MAPK10: variants seen among roughly 807,000 people sequenced by gnomAD.
MAPK10 encodes the protein mitogen-activated protein kinase 10.
Under a neutral mutation model 59.3 loss-of-function variants are expected in MAPK10, and 25 were observed. That is an observed-to-expected ratio of 0.42 (90% CI 0.31 to 0.59). The LOEUF (loss-of-function observed/expected upper bound fraction) is 0.59, where lower values mean the gene tolerates loss of function less well. Ranked by LOEUF, MAPK10 falls within the 20% of genes least tolerant of loss-of-function variation. The pLI, the probability that MAPK10 is intolerant of heterozygous loss-of-function variation, is 0.15. For missense variants in MAPK10, 351 were observed against 568.9 expected (o/e 0.62, Z 3.90); for synonymous variants, 190 against 200.5 (o/e 0.95, Z 0.44).
chr4:86,447,633 T>C, intron 1 of MAPK10, among the ~76,000 whole-genome samples: 1 of 152,148 alleles, frequency 6.6e-6, no homozygotes, highest in Non-Finnish European at 1.5e-5. Flanking sequence ...TCAGTTCCTC[T>C]CCCACGATAC....
chr4:86,431,938 C>T (rs562790747), intron 1 of MAPK10, among the ~76,000 whole-genome samples: 1 of 152,314 alleles, frequency 6.6e-6, no homozygotes, highest in East Asian at 1.9e-4. Flanking sequence ...GTGTATCCTC[C>T]TTACACTGCC....
chr4:86,561,134 C>T lies in MAPK10; in HGVS notation c.-263+32776G>A, dbSNP rs973014374. On this transcript the variant is annotated intron_variant, in intron 1 of 4. Coordinates refer to the MAPK10 transcript ENST00000502302. ...TACAACCTAGATTCCTCACATGCAC[C>T]GTTCACAGTAGGGTTCATGCTCCTA... 4.6e-5 allele frequency among the ~76,000 whole-genome samples: 7 copies of T among 152,254 alleles called. 1 individual carries two copies. The highest frequency in any genetic ancestry group is 3.9e-4 in the East Asian group (2 of 5,172).
intron 1 of MAPK10, among the ~76,000 whole-genome samples, chr4:86,472,199 T>G (rs1421674933): frequency 6.6e-6 from 1 of 152,216 alleles, no homozygotes; most frequent in African/African-American, 2.4e-5. Context: ...AAATTTTATT[T>G]TAGTTCATTT....
chr4:86,301,296 T>C (rs1686446936), intron 2 of MAPK10, among the ~76,000 whole-genome samples: 1 of 151,876 alleles, frequency 6.6e-6, no homozygotes, highest in South Asian at 2.1e-4. Flanking sequence ...ATGGGAACTT[T>C]CACTGTGAAG....
At chr4:86,564,304 T>C (rs1760903308) in intron 1 of MAPK10, among the ~76,000 whole-genome samples, 2 of 152,194 alleles carry the variant, frequency 1.3e-5, no homozygotes, top group South Asian at 2.1e-4. Flanking sequence ...GCTTTTGAGA[T>C]GAACAGTCTC....
intron 2 of MAPK10, among the ~76,000 whole-genome samples, chr4:86,305,820 CAA>C (rs34255377): frequency 2.1e-3 from 236 of 111,950 alleles, no homozygotes; most frequent in African/African-American, 5.0e-3. Context: ...ACTCCATCTC[CAA>C]AAAAAAAAAA....
At position 86,013,472 on chromosome 4, in the gene MAPK10, G is replaced by A. The variant is rs1742031792; in HGVS notation, c.*3756C>T. 1 of 152,176 alleles carries A rather than the reference G, an allele frequency of 6.6e-6. No individual in the cohort carries two copies. Among genetic ancestry groups the A allele is most frequent in the Non-Finnish European group, 1.5e-5 (1 of 68,034 alleles). The allele number at this position is 152,176 out of a possible 1,614,324, so 9.4% of individuals were successfully genotyped here. A position where few individuals can be genotyped will look rare whatever the true frequency, so the allele number is the denominator to read the frequency against. On this transcript the variant is annotated 3_prime_UTR_variant, in exon 14 of 14. Coordinates refer to ENST00000641462, the MANE Select transcript of MAPK10 (RefSeq NM_138982.4). ...TTTCAGCAAAGCTGGCTAATAACAT[G>A]CCTTACAGAGCATAATGCACTTAAG...
intron 1 of MAPK10, among the ~76,000 whole-genome samples, chr4:86,393,145 A>G (rs989643763): frequency 1.3e-5 from 2 of 152,200 alleles, no homozygotes; most frequent in Non-Finnish European, 1.5e-5. Context: ...AAAAACAGGC[A>G]TATCTTGACT....
chr4:86,358,508 G>T, intron 1 of MAPK10: 2 of 284,600 alleles, frequency 7.0e-6, no homozygotes, highest in Non-Finnish European at 1.1e-5. Context: ...GTCAGGCTCT[G>T]CACCAAAGGC....
At chr4:86,122,971 T>C (rs980507408) in intron 4 of MAPK10, among the ~76,000 whole-genome samples, 1 of 152,116 alleles carries the variant, frequency 6.6e-6, no homozygotes, top group African/African-American at 2.4e-5. Context: ...GGTGCTCTTT[T>C]GAAACTGATG....
At chr4:86,388,635 C>A (rs1269840458) in intron 1 of MAPK10, among the ~76,000 whole-genome samples, 1 of 152,154 alleles carries the variant, frequency 6.6e-6, no homozygotes, top group African/African-American at 2.4e-5. Context: ...TTGTACTTCA[C>A]TGTTATTGTA....
chr4:86,524,008 GT>G (rs1478227670), intron 1 of MAPK10, among the ~76,000 whole-genome samples: 1 of 152,100 alleles, frequency 6.6e-6, no homozygotes, highest in Non-Finnish European at 1.5e-5. Context: ...GGGTGAGTGA[GT>G]TCCCATTCCA....
intron 2 of MAPK10, among the ~76,000 whole-genome samples, chr4:86,353,837 A>G (rs1296867701): frequency 6.6e-6 from 1 of 152,190 alleles, no homozygotes; most frequent in African/African-American, 2.4e-5. Context: ...TTGACAGATT[A>G]TAACTCGTTC....
At chr4:86,316,812 C>T (rs2095796721) in intron 2 of MAPK10, among the ~76,000 whole-genome samples, 1 of 152,168 alleles carries the variant, frequency 6.6e-6, no homozygotes, top group Non-Finnish European at 1.5e-5. Context: ...CGGCAACCTA[C>T]AACACACAAG....
At chr4:86,318,567 C>T (rs934345656) in intron 2 of MAPK10, among the ~76,000 whole-genome samples, 1 of 152,042 alleles carries the variant, frequency 6.6e-6, no homozygotes, top group African/African-American at 2.4e-5. Flanking sequence ...AAATAATCTG[C>T]CCAAAGTCAC....
intron 1 of MAPK10, among the ~76,000 whole-genome samples, chr4:86,395,194 C>CA (rs1434610938): frequency 1.3e-5 from 2 of 151,726 alleles, no homozygotes; most frequent in African/African-American, 4.8e-5. Context: ...ATAATCATAC[C>CA]AAAAAAGAAG....
chr4:86,407,648 C>T (rs573692185), intron 1 of MAPK10, among the ~76,000 whole-genome samples: 1 of 149,080 alleles, frequency 6.7e-6, no homozygotes, highest in East Asian at 2.0e-4. Context: ...ACATAGTAGG[C>T]ACTCAATGTT....
At chr4:86,221,655 T>TTTTGTTTG (rs563542504) in intron 2 of MAPK10, among the ~76,000 whole-genome samples, 9 of 151,586 alleles carry the variant, frequency 5.9e-5, no homozygotes, top group South Asian at 2.1e-4. Flanking sequence ...CCTGGCTGAT[T>TTTTGTTTG]TTTGTTTGTT....
chr4:86,500,983 A>T (rs972557104), intron 1 of MAPK10, among the ~76,000 whole-genome samples: 1 of 152,102 alleles, frequency 6.6e-6, no homozygotes, highest in Non-Finnish European at 1.5e-5. Flanking sequence ...GTTAACATTT[A>T]AAAATATAAA....
Sources: gnomAD v4.1 joint callset for allele counts (sites outside exome capture counted in the v4.1 genomes callset) on GRCh38, gnomAD v4.1.1 for gene constraint, MANE v1.5 for transcripts, NCBI Gene and HGNC (gene_info 2026-07-23, HGNC 2026-07-21) for gene names.